The following SETBP1 variants were observed in gnomAD, a reference collection of about 807,000 sequenced individuals.
SETBP1 encodes the protein SET binding protein 1.
A neutral mutation model predicts 101.0 loss-of-function variants in SETBP1; 9 were observed. The observed-to-expected ratio is 0.09, with a 90% confidence interval of 0.05 to 0.16. The LOEUF is 0.16. Among genes scored for constraint, SETBP1 ranks in the 10% least tolerant of loss-of-function variants. SETBP1 has a pLI of 1.00. For synonymous variants in SETBP1, 818 were observed against 788.5 expected, an observed-to-expected ratio of 1.04 and a Z score of -0.63; for missense variants, 1,858 against 2,033.8, an observed-to-expected ratio of 0.91 and a Z score of 1.66.
chr18:44,992,158 G>A (rs1451760396), intron 4 of SETBP1, among the ~76,000 whole-genome samples: 1 of 151,972 alleles, frequency 6.6e-6, no homozygotes, highest in African/African-American at 2.4e-5. Context: ...AATAAGAAAG[G>A]CTAAAACAAG....
chr18:44,967,806 C>A (rs917227675), intron 4 of SETBP1, among the ~76,000 whole-genome samples: 1 of 152,156 alleles, frequency 6.6e-6, no homozygotes, highest in Non-Finnish European at 1.5e-5. Context: ...ACACCACAGC[C>A]CCTGGGAACT....
chr18:44,755,895 A>G (rs1157019264), intron 2 of SETBP1, among the ~76,000 whole-genome samples: 1 of 152,124 alleles, frequency 6.6e-6, no homozygotes, highest in African/African-American at 2.4e-5. Flanking sequence ...ACGTGTTAAT[A>G]AAATTTGTGT....
At chr18:44,988,006 C>A (rs2072277344) in intron 4 of SETBP1, 1 of 152,048 alleles carries the variant, frequency 6.6e-6, no homozygotes, top group African/African-American at 2.4e-5. Flanking sequence ...TGATATTCTC[C>A]TAAGATAAGC....
chr18:44,950,208 G>A lies in SETBP1; in HGVS notation c.868G>A (p.Ala290Thr). 2 of 1,613,856 alleles carry A rather than the reference G, an allele frequency of 1.2e-6. No homozygotes were observed. Among genetic ancestry groups the A allele is most frequent in the South Asian group, 1.1e-5 (1 of 91,080 alleles). ...NNKDLLLGGV[A>T]PSPSSHSSPA... ...CAAAGATCTGCTCTTGGGAGGTGTG[G>A]CTCCATCCCCAAGCAGCCACAGCTC... The change falls in exon 4 of 6, where the codon GCT becomes ACT. Residue 290 changes from alanine (A) to threonine (T), a missense_variant. Coordinates refer to ENST00000649279, the MANE Select transcript of SETBP1 (RefSeq NM_015559.3).
At chr18:45,022,645 C>G (rs1005569302) in intron 4 of SETBP1, among the ~76,000 whole-genome samples, 3 of 152,148 alleles carry the variant, frequency 2.0e-5, no homozygotes, top group Non-Finnish European at 2.9e-5. Flanking sequence ...GCCTGGCCAA[C>G]ATGGTGAAAC....
chr18:44,686,801 G>T (rs1230625636), intron 1 of SETBP1, among the ~76,000 whole-genome samples: 1 of 152,006 alleles, frequency 6.6e-6, no homozygotes, highest in African/African-American at 2.4e-5. Flanking sequence ...TACCTTTCGG[G>T]GGTAATCACC....
At chr18:44,703,560 TTG>T (rs555462967) in intron 2 of SETBP1, among the ~76,000 whole-genome samples, 58 of 152,044 alleles carry the variant, frequency 3.8e-4, no homozygotes, top group African/African-American at 1.3e-3. Flanking sequence ...TCCTCACAGT[TTG>T]CCCAAAAAAT....
intron 2 of SETBP1, among the ~76,000 whole-genome samples, chr18:44,838,601 C>A (rs1490279968): frequency 6.6e-6 from 1 of 152,138 alleles, no homozygotes; most frequent in Non-Finnish European, 1.5e-5. Context: ...TTACATCATT[C>A]CTTACTAGGA....
chr18:44,841,889 C>CGGGGAAA (rs1271242153), intron 2 of SETBP1, among the ~76,000 whole-genome samples: 8 of 152,206 alleles, frequency 5.3e-5, no homozygotes, highest in Non-Finnish European at 1.2e-4. Flanking sequence ...ACTGCAGCAG[C>CGGGGAAA]ACATCATATA....
chr18:44,681,558 C>T (rs916733711), intron 1 of SETBP1, among the ~76,000 whole-genome samples: 1 of 144,264 alleles, frequency 6.9e-6, no homozygotes, highest in African/African-American at 2.5e-5. Flanking sequence ...CCTATTCCCC[C>T]CGCCCCCCCA....
At chr18:44,888,920 C>T (rs906215887) in intron 3 of SETBP1, among the ~76,000 whole-genome samples, 6 of 151,988 alleles carry the variant, frequency 3.9e-5, no homozygotes, top group Admixed American at 3.9e-4. Flanking sequence ...TTTTCCCAAA[C>T]ATGTAAAGTG....
At chr18:45,031,254 C>G (rs1030168685) in intron 4 of SETBP1, among the ~76,000 whole-genome samples, 1 of 152,218 alleles carries the variant, frequency 6.6e-6, no homozygotes, top group Admixed American at 6.5e-5. Context: ...AGTACTTGTT[C>G]TATCTTAAGG....
chr18:45,011,865 A>G (rs1037875648), intron 4 of SETBP1, among the ~76,000 whole-genome samples: 7 of 152,238 alleles, frequency 4.6e-5, no homozygotes, highest in Admixed American at 1.3e-4. Flanking sequence ...TAATCCATAG[A>G]AAATGCCCAA....
At chr18:44,941,157 C>T (rs1412955124) in intron 3 of SETBP1, among the ~76,000 whole-genome samples, 1 of 143,858 alleles carries the variant, frequency 7.0e-6, no homozygotes, top group African/African-American at 2.6e-5. Flanking sequence ...TCTCACCTCA[C>T]TGCAACCTCC....
intron 4 of SETBP1, among the ~76,000 whole-genome samples, chr18:45,017,931 C>G (rs1215240673): frequency 6.6e-6 from 1 of 152,202 alleles, no homozygotes; most frequent in Non-Finnish European, 1.5e-5. Flanking sequence ...CCTGGCTGCT[C>G]TCAGTGAGTT....
chr18:44,742,910 T>C (rs950064693), intron 2 of SETBP1, among the ~76,000 whole-genome samples: 10 of 152,014 alleles, frequency 6.6e-5, no homozygotes, highest in Non-Finnish European at 1.2e-4. Flanking sequence ...GGCTGCATCA[T>C]CACCCCTGCC....
At chr18:45,055,297 A>G (rs2073790255) in intron 5 of SETBP1, among the ~76,000 whole-genome samples, 1 of 152,222 alleles carries the variant, frequency 6.6e-6, no homozygotes, top group Non-Finnish European at 1.5e-5. Context: ...TGATATTAGT[A>G]ACATAATTTT....
intron 4 of SETBP1, among the ~76,000 whole-genome samples, chr18:44,999,639 A>T (rs2072574388): frequency 6.6e-6 from 1 of 152,236 alleles, no homozygotes; most frequent in Non-Finnish European, 1.5e-5. Context: ...GACCCTTCTT[A>T]CTAATGCTCA....
At chr18:44,768,120 G>T (rs191112164) in intron 2 of SETBP1, among the ~76,000 whole-genome samples, 1 of 152,196 alleles carries the variant, frequency 6.6e-6, no homozygotes. Flanking sequence ...CCTGTTGTTA[G>T]TAATGTAAGA....
Sources: gnomAD v4.1 joint callset for allele counts (sites outside exome capture counted in the v4.1 genomes callset) on GRCh38, gnomAD v4.1.1 for gene constraint, MANE v1.5 for transcripts, NCBI Gene and HGNC (gene_info 2026-07-23, HGNC 2026-07-21) for gene names.